Variants in ATP8A1 observed in about 807,000 individuals in gnomAD.
ATP8A1 encodes ATPase phospholipid transporting 8A1.
A neutral mutation model predicts 177.7 loss-of-function variants in ATP8A1; 90 were observed. The observed-to-expected ratio is 0.51, with a 90% CI of 0.43 to 0.60. The LOEUF is 0.60. ATP8A1 is among the 20% of genes least tolerant of loss of function. The pLI is 0.00. For synonymous variants in ATP8A1, 493 were observed against 485.9 expected (o/e 1.01, Z -0.19); for missense variants, 1,072 against 1,392.8 (o/e 0.77, Z 3.67).
intron 4 of ATP8A1, among the ~76,000 whole-genome samples, chr4:42,619,174 T>C (rs1264644999): frequency 1.3e-5 from 2 of 152,092 alleles, no homozygotes; most frequent in African/African-American, 4.8e-5. Flanking sequence ...GTATGATTAC[T>C]TGATTAGTGT....
intron 33 of ATP8A1, among the ~76,000 whole-genome samples, chr4:42,429,114 A>C (rs1026837470): frequency 1.3e-5 from 2 of 152,138 alleles, no homozygotes; most frequent in Admixed American, 6.5e-5. Flanking sequence ...TGTTCTTGAG[A>C]TGTGGTGGTT....
At chr4:42,528,175 T>C (rs1269680291) in intron 20 of ATP8A1, among the ~76,000 whole-genome samples, 4 of 152,136 alleles carry the variant, frequency 2.6e-5, no homozygotes, top group South Asian at 2.1e-4. Flanking sequence ...CCTGTGGTCA[T>C]TTCCCTGATG....
chr4:42,622,297 G>A (rs1209717667), intron 4 of ATP8A1, among the ~76,000 whole-genome samples: 2 of 151,778 alleles, frequency 1.3e-5, no homozygotes, highest in African/African-American at 2.4e-5. Context: ...TGGGAGAATC[G>A]CTTGAACCCA....
chr4:42,643,379 A>G (rs1015752197), intron 1 of ATP8A1, among the ~76,000 whole-genome samples: 1 of 152,034 alleles, frequency 6.6e-6, no homozygotes, highest in Non-Finnish European at 1.5e-5. Flanking sequence ...GGACTTTCTC[A>G]CTCCTTTCTA....
chr4:42,599,055 T>A (rs564140755), intron 6 of ATP8A1, among the ~76,000 whole-genome samples: 1 of 152,230 alleles, frequency 6.6e-6, no homozygotes, highest in South Asian at 2.1e-4. Context: ...ATAGGAAAAG[T>A]AAGAATTACA....
chr4:42,423,583 A>G (rs766454856), intron 34 of ATP8A1, 34 bp downstream of exon 34: 76 of 1,449,608 alleles, frequency 5.2e-5, no homozygotes, highest in Admixed American at 5.5e-5. Flanking sequence ...ATATGCATCT[A>G]TATTTCTCCG....
intron 20 of ATP8A1, among the ~76,000 whole-genome samples, chr4:42,533,195 A>G (rs990848193): frequency 2.9e-5 from 4 of 139,052 alleles, no homozygotes; most frequent in Admixed American, 1.4e-4. Context: ...TCCATGGGAC[A>G]GCTGAGGGAC....
chr4:42,615,918 A>C, intron 5 of ATP8A1, 115 bp downstream of exon 5: 1 of 995,880 alleles, frequency 1.0e-6, no homozygotes, highest in Non-Finnish European at 1.5e-6. Context: ...AATCTACCCC[A>C]AAACAAAAAC....
intron 6 of ATP8A1, among the ~76,000 whole-genome samples, chr4:42,596,101 C>T (rs1734689476): frequency 6.6e-6 from 1 of 152,316 alleles, no homozygotes; most frequent in South Asian, 2.1e-4. Context: ...CTTTTGGATT[C>T]TGAGCTCCTA....
intron 25 of ATP8A1, among the ~76,000 whole-genome samples, chr4:42,470,626 C>T (rs1196440696): frequency 1.3e-5 from 2 of 152,058 alleles, no homozygotes; most frequent in African/African-American, 2.4e-5. Context: ...ATAATATGAT[C>T]TCAAAGACTT....
chr4:42,530,785 A>G (rs28797315), intron 20 of ATP8A1, among the ~76,000 whole-genome samples: 9,704 of 152,238 alleles, frequency 0.064, 493 homozygotes, highest in African/African-American at 0.14. Flanking sequence ...ATCAGCATCC[A>G]ATATATGGTA....
rs564893565 is a variant in ATP8A1, at chr4:42,469,007, G to C, written c.2325-3931C>G. Among the ~76,000 whole-genome samples the C allele has an allele frequency of 1.0e-4, 11 of 107,248 alleles. No homozygotes were observed. In the South Asian group the frequency reaches 2.9e-3, roughly 28 times the overall value. The allele number at this position is 107,248 out of a possible 152,430, so 70.4% of individuals were successfully genotyped here. ...AGAACCTTACTTTGCATAGGGGTCT[G>C]CTGTTTGAAACTGCATGTTTTTGTA... On this transcript the variant is annotated intron_variant, in intron 25 of 36. Coordinates refer to ENST00000381668, the MANE Select transcript of ATP8A1 (RefSeq NM_006095.2).
chr4:42,517,023 A>G (rs114453923), intron 22 of ATP8A1, among the ~76,000 whole-genome samples: 11,602 of 152,190 alleles, frequency 0.076, 578 homozygotes, highest in African/African-American at 0.14. Context: ...GATTTAGGCC[A>G]GGCACGGTGG....
At chr4:42,545,595 C>T (rs1169831410) in intron 19 of ATP8A1, among the ~76,000 whole-genome samples, 1 of 152,186 alleles carries the variant, frequency 6.6e-6, no homozygotes, top group Non-Finnish European at 1.5e-5. Flanking sequence ...CTACAGCACA[C>T]CTTCTCCATT....
chr4:42,603,836 C>A (rs1735534216), intron 5 of ATP8A1, among the ~76,000 whole-genome samples: 1 of 152,160 alleles, frequency 6.6e-6, no homozygotes, highest in African/African-American at 2.4e-5. Context: ...TACAGTGTAG[C>A]TATAAGGATT....
At chr4:42,501,033 T>C (rs191457053) in intron 24 of ATP8A1, among the ~76,000 whole-genome samples, 2 of 152,292 alleles carry the variant, frequency 1.3e-5, no homozygotes, top group Non-Finnish European at 2.9e-5. Context: ...TGATACATTA[T>C]AGAAGTTCAA....
intron 27 of ATP8A1, among the ~76,000 whole-genome samples, chr4:42,462,627 G>A (rs1274173483): frequency 6.6e-6 from 1 of 152,242 alleles, no homozygotes; most frequent in Admixed American, 6.5e-5. Flanking sequence ...TTAGGGCAGT[G>A]GAGAAGGAAA....
intron 24 of ATP8A1, among the ~76,000 whole-genome samples, chr4:42,497,734 A>G (rs1246682096): frequency 6.6e-6 from 1 of 152,198 alleles, no homozygotes; most frequent in Non-Finnish European, 1.5e-5. Flanking sequence ...TGCAGCAGAC[A>G]CTGTCTTAAA....
chr4:42,417,416 C>A (rs1713366704), intron 35 of ATP8A1, among the ~76,000 whole-genome samples: 1 of 151,658 alleles, frequency 6.6e-6, no homozygotes, highest in Admixed American at 6.6e-5. Flanking sequence ...TTTACGTAGT[C>A]TCTTATAGTC....
Sources: gnomAD v4.1 joint callset for allele counts (sites outside exome capture counted in the v4.1 genomes callset) on GRCh38, gnomAD v4.1.1 for gene constraint, MANE v1.5 for transcripts, NCBI Gene and HGNC (gene_info 2026-07-23, HGNC 2026-07-21) for gene names.